Variants in ZNF385D observed in about 807,000 individuals in gnomAD.
The protein encoded by ZNF385D is zinc finger protein 385D.
Under a neutral mutation model 35.8 loss-of-function variants are expected in ZNF385D, and 15 were observed. That is an observed-to-expected ratio of 0.42 (90% CI 0.28 to 0.64). The LOEUF (loss-of-function observed/expected upper bound fraction) is 0.64. Among genes scored for constraint, ZNF385D ranks in the 30% least tolerant of loss-of-function variants. The pLI is 0.23. For missense variants in ZNF385D, 474 were observed against 494.6 expected (o/e 0.96, Z 0.39); for synonymous variants, 212 against 186.8 (o/e 1.13, Z -1.10).
chr3:21,523,071 G>T (rs536327672), intron 3 of ZNF385D, among the ~76,000 whole-genome samples: 1 of 152,292 alleles, frequency 6.6e-6, no homozygotes, highest in Admixed American at 6.5e-5. Context: ...GTTTGTGTGA[G>T]GCATTTATGG....
chr3:21,954,354 T>C (rs1004800087), intron 3 of ZNF385D, among the ~76,000 whole-genome samples: 10 of 151,998 alleles, frequency 6.6e-5, no homozygotes, highest in East Asian at 1.9e-4. Flanking sequence ...AGTAAACACA[T>C]AGGGATCAAT....
chr3:22,201,094 G>T (rs1412571861), intron 2 of ZNF385D, among the ~76,000 whole-genome samples: 3 of 152,052 alleles, frequency 2.0e-5, no homozygotes, highest in African/African-American at 7.2e-5. Context: ...AAATCACAAG[G>T]GTATTGATTG....
chr3:21,888,051 C>T (rs1698641086), intron 3 of ZNF385D, among the ~76,000 whole-genome samples: 1 of 151,986 alleles, frequency 6.6e-6, no homozygotes, highest in Admixed American at 6.6e-5. Flanking sequence ...ACTTTCTTTT[C>T]CCCCTTTTAT....
At position 21,419,250 on chromosome 3, in the gene ZNF385D, T is replaced by G. The variant is rs117582138; in HGVS notation, c.*1964A>C. On this transcript the variant is annotated 3_prime_UTR_variant, in exon 8 of 8. Transcript: ENST00000281523. ...CCTTCCTTCTTTCCTTCTTTTTTTTTGTTTTTGTTTTGGTTGGTTAACAAA... is the reference window on the plus strand; with the variant it reads ...CCTTCCTTCTTTCCTTCTTTTTTTTGGTTTTTGTTTTGGTTGGTTAACAAA... The G allele has an allele frequency of 1.2e-4, 19 of 153,268 alleles. No homozygotes were observed. The highest frequency in any genetic ancestry group is 4.6e-4 in the African/African-American group (19 of 41,338). 9.5% of individuals were successfully genotyped at this position (153,268 alleles called of 1,614,324 possible).
At chr3:22,145,609 T>A (rs897234622) in intron 3 of ZNF385D, among the ~76,000 whole-genome samples, 2 of 152,154 alleles carry the variant, frequency 1.3e-5, no homozygotes, top group African/African-American at 4.8e-5. Flanking sequence ...AGGACAGAAA[T>A]AACAAATATA....
intron 3 of ZNF385D, among the ~76,000 whole-genome samples, chr3:21,843,361 C>A (rs1695799873): frequency 1.3e-5 from 2 of 151,854 alleles, no homozygotes; most frequent in African/African-American, 4.8e-5. Context: ...ATTAGTGGAC[C>A]AGGGGAATTA....
chr3:22,044,351 G>C (rs1698855102), intron 3 of ZNF385D, among the ~76,000 whole-genome samples: 1 of 152,002 alleles, frequency 6.6e-6, no homozygotes, highest in African/African-American at 2.4e-5. Flanking sequence ...TCCTAAAATG[G>C]CTGCTTGATC....
At chr3:21,506,406 A>G (rs938539307) in intron 4 of ZNF385D, among the ~76,000 whole-genome samples, 2 of 152,172 alleles carry the variant, frequency 1.3e-5, no homozygotes, top group African/African-American at 4.8e-5. Context: ...TATTACTGCA[A>G]TATAACCTAG....
rs1277344886 is a variant in ZNF385D, at chr3:21,826,044, C to CA, written c.326-161017dup. On this transcript the variant is annotated intron_variant, in intron 3 of 5. Transcript: ENST00000494108. Reference sequence around the variant, plus strand: ...CATCCCCTTCTTCCCCTCAACCCCCCACCAGTCCGTGGGTAAAATGTCTTC... The same window carrying CA: ...CATCCCCTTCTTCCCCTCAACCCCCCAACCAGTCCGTGGGTAAAATGTCTTC... Among the ~76,000 whole-genome samples the CA allele has an allele frequency of 7.9e-5, 12 of 152,280 alleles. No individual in the cohort carries two copies. In the East Asian group the frequency reaches 2.3e-3, roughly 29 times the overall value.
At chr3:21,741,171 A>C (rs17009418) in intron 1 of ZNF385D, among the ~76,000 whole-genome samples, 5,644 of 152,276 alleles carry the variant, frequency 0.037, 151 homozygotes, top group East Asian at 0.11. Context: ...TCTCAAAGGA[A>C]ACCAAGAGGT....
intron 2 of ZNF385D, among the ~76,000 whole-genome samples, chr3:22,317,264 A>T (rs1208400237): frequency 2.5e-5 from 3 of 118,396 alleles, no homozygotes; most frequent in African/African-American, 6.4e-5. Flanking sequence ...GGGAAACAAG[A>T]GTGAAACTCC....
At chr3:21,547,977 C>A (rs1055351153) in intron 3 of ZNF385D, among the ~76,000 whole-genome samples, 1 of 152,070 alleles carries the variant, frequency 6.6e-6, no homozygotes, top group Non-Finnish European at 1.5e-5. Flanking sequence ...GAAACTCCAA[C>A]CAGCCTGTCC....
chr3:21,691,339 C>T (rs2067278936), intron 1 of ZNF385D, among the ~76,000 whole-genome samples: 1 of 152,034 alleles, frequency 6.6e-6, no homozygotes. Flanking sequence ...TTATTCTTCC[C>T]CAGTCTACTT....
intron 2 of ZNF385D, among the ~76,000 whole-genome samples, chr3:21,571,804 C>T (rs1297821479): frequency 1.3e-5 from 2 of 152,076 alleles, no homozygotes; most frequent in African/African-American, 2.4e-5. Context: ...TTGTAAAGGA[C>T]ACGATTCAGA....
chr3:22,169,176 T>C (rs1706525688), intron 2 of ZNF385D: 1 of 207,858 alleles, frequency 4.8e-6, no homozygotes, highest in Non-Finnish European at 8.4e-6. Flanking sequence ...ATAGATTGCT[T>C]TCACACTATG....
intron 3 of ZNF385D, among the ~76,000 whole-genome samples, chr3:22,081,341 C>A (rs1700740944): frequency 6.6e-6 from 1 of 152,132 alleles, no homozygotes; most frequent in South Asian, 2.1e-4. Context: ...CATTTAGTAG[C>A]TCCATTCTTT....
chr3:22,154,497 A>G (rs1464708559), intron 3 of ZNF385D, among the ~76,000 whole-genome samples: 1 of 152,176 alleles, frequency 6.6e-6, no homozygotes, highest in Non-Finnish European at 1.5e-5. Flanking sequence ...CAACTGAGGA[A>G]TACTCTAGAG....
chr3:21,990,924 A>G (rs370386932), intron 3 of ZNF385D, among the ~76,000 whole-genome samples: 48 of 152,340 alleles, frequency 3.2e-4, no homozygotes, highest in African/African-American at 7.0e-4. Flanking sequence ...CAGCGGATCT[A>G]TCTTTCTAAA....
chr3:22,298,748 G>T (rs1049353221), intron 2 of ZNF385D, among the ~76,000 whole-genome samples: 2 of 149,670 alleles, frequency 1.3e-5, no homozygotes, highest in African/African-American at 2.4e-5. Flanking sequence ...CCATTTTGGA[G>T]ATTTCATTTT....
Sources: gnomAD v4.1 joint callset for allele counts (sites outside exome capture counted in the v4.1 genomes callset) on GRCh38, gnomAD v4.1.1 for gene constraint, MANE v1.5 for transcripts, NCBI Gene and HGNC (gene_info 2026-07-23, HGNC 2026-07-21) for gene names.